Variants in PLAT observed in about 807,000 individuals in gnomAD.
PLAT encodes tissue-type plasminogen activator.
A neutral mutation model predicts 74.9 loss-of-function variants in PLAT; 48 were observed. The ratio of observed to expected loss-of-function variants is 0.64; its 90% CI spans 0.51 to 0.82. The LOEUF is 0.82. Ranked by LOEUF, PLAT falls within the 40% of genes least tolerant of loss-of-function variation. PLAT has a pLI of 0.00. For synonymous variants in PLAT, 307 were observed against 294.4 expected, an observed-to-expected ratio of 1.04 and a Z score of -0.44; for missense variants, 673 against 736.2, an observed-to-expected ratio of 0.91 and a Z score of 0.99.
chr8:42,196,846 A>G (rs1587942528), intron 1 of PLAT, among the ~76,000 whole-genome samples: 1 of 151,852 alleles, frequency 6.6e-6, no homozygotes, highest in East Asian at 1.9e-4. Flanking sequence ...AAAAAAAAAA[A>G]GGCAAATGAG....
At position 42,179,077 on chromosome 8, in the gene PLAT, A is replaced by G. The variant is rs1338213909; in HGVS notation, c.1364-14T>C. 6.9e-6 allele frequency: 11 copies of G among 1,597,480 alleles called. No homozygotes were observed. The South Asian group carries it at 7.8e-5, about 11-fold the overall frequency. ...AGAAAGGAGACACTGAAAGGGGAGA[A>G]CCATCATATGGTTTTAGGGAAAGTT... On this transcript the variant is annotated splice_polypyrimidine_tract_variant and intron_variant, in intron 12 of 13. Coordinates refer to ENST00000220809, the MANE Select transcript of PLAT (RefSeq NM_000930.5).
chr8:42,188,799 T>G lies in PLAT; in HGVS notation c.253+135A>C, dbSNP rs1805580263. On this transcript the variant is annotated intron_variant, in intron 4 of 13. Coordinates refer to ENST00000220809, the MANE Select transcript of PLAT (RefSeq NM_000930.5). ...TACCAGGTCTGGCTAATTTTTTTAT[T>G]TTTTGTAGAGACAGGGGACTTGCTA... is the stretch of plus-strand genomic sequence containing the variant. 4 of 722,168 alleles carry G rather than the reference T, an allele frequency of 5.5e-6. No individual in the cohort carries two copies. In the Admixed American group the frequency reaches 9.2e-5, roughly 17 times the overall value. 44.7% of individuals were successfully genotyped at this position (722,168 alleles called of 1,614,324 possible).
chr8:42,197,825 G>A (rs918146799), intron 1 of PLAT, among the ~76,000 whole-genome samples: 4 of 152,172 alleles, frequency 2.6e-5, no homozygotes, highest in Non-Finnish European at 4.4e-5. Context: ...AATAATTAAT[G>A]TGCTGTCCTT....
intron 12 of PLAT, 103 bp downstream of exon 12, chr8:42,179,823 C>T (rs1205001002): frequency 2.5e-6 from 3 of 1,210,298 alleles, no homozygotes; most frequent in African/African-American, 1.8e-5. Flanking sequence ...GTGCCTGACC[C>T]GGGGCTGGAA....
chr8:42,204,054 TG>T (rs1285496069), intron 1 of PLAT, among the ~76,000 whole-genome samples: 1 of 149,488 alleles, frequency 6.7e-6, no homozygotes, highest in Admixed American at 6.6e-5. Flanking sequence ...GCTAAGAGAA[TG>T]TGCTGTCTTT....
At chr8:42,195,651 A>C (rs138684967) in intron 1 of PLAT, 27 of 152,344 alleles carry the variant, frequency 1.8e-4, no homozygotes, top group African/African-American at 6.0e-4. Context: ...GACTTACTCC[A>C]GATCTTCTCT....
chr8:42,191,662 G>A (rs1039640700), intron 2 of PLAT, among the ~76,000 whole-genome samples: 2 of 152,072 alleles, frequency 1.3e-5, no homozygotes, highest in African/African-American at 2.4e-5. Context: ...TGCTGTCCAC[G>A]ACAGAAGCCA....
At chr8:42,196,753 T>A (rs1439931042) in intron 1 of PLAT, among the ~76,000 whole-genome samples, 1 of 151,812 alleles carries the variant, frequency 6.6e-6, no homozygotes, top group Admixed American at 6.6e-5. Context: ...AGAGGCTCAT[T>A]TTTATAAATA....
chr8:42,176,561 C>T (rs8178802), intron 13 of PLAT, among the ~76,000 whole-genome samples: 1 of 152,176 alleles, frequency 6.6e-6, no homozygotes, highest in Non-Finnish European at 1.5e-5. Flanking sequence ...GGAATAAGCA[C>T]GTTGGAAAAT....
intron 7 of PLAT, among the ~76,000 whole-genome samples, chr8:42,183,444 T>C (rs1805329535): frequency 6.6e-6 from 1 of 152,038 alleles, no homozygotes; most frequent in African/African-American, 2.4e-5. Flanking sequence ...ACCACTTCCA[T>C]GAGTGGGGGC....
intron 7 of PLAT, among the ~76,000 whole-genome samples, chr8:42,184,315 A>T (rs1004417211): frequency 6.6e-6 from 1 of 152,148 alleles, no homozygotes; most frequent in South Asian, 2.1e-4. Context: ...AATGATTTGT[A>T]TAAGCACCAC....
At chr8:42,189,778 T>C (rs968770654) in intron 3 of PLAT, among the ~76,000 whole-genome samples, 2 of 151,244 alleles carry the variant, frequency 1.3e-5, no homozygotes, top group Non-Finnish European at 2.9e-5. Flanking sequence ...TTTGTATTTT[T>C]GGTAGGGACG....
At chr8:42,199,234 C>G (rs1806035935) in intron 1 of PLAT, among the ~76,000 whole-genome samples, 1 of 152,206 alleles carries the variant, frequency 6.6e-6, no homozygotes, top group Admixed American at 6.5e-5. Flanking sequence ...CTTAACAGAA[C>G]TGTTTATAAC....
At position 42,191,434 on chromosome 8, in the gene PLAT, G is replaced by A; in HGVS notation, c.73-20C>T. 1 of 1,613,198 alleles carries A rather than the reference G, an allele frequency of 6.2e-7. No homozygotes were observed. ...GATTTCCTGCGAAGAAACCAGAGGTGGAGGAAGGATCAGCACATGCCAGGT... is the reference window on the plus strand; with the variant it reads ...GATTTCCTGCGAAGAAACCAGAGGTAGAGGAAGGATCAGCACATGCCAGGT... On this transcript the variant is annotated intron_variant, in intron 2 of 13. Coordinates refer to ENST00000220809, the MANE Select transcript of PLAT (RefSeq NM_000930.5).
intron 12 of PLAT, 137 bp downstream of exon 12, chr8:42,179,789 C>T (rs1805138102): frequency 2.3e-6 from 2 of 864,440 alleles, no homozygotes; most frequent in South Asian, 3.7e-5. Context: ...GCCCCCACGA[C>T]ACAGGGAGAC....
rs1281250868 is a variant in PLAT, at chr8:42,180,634, C to A, written c.941G>T (p.Gly314Val). The A allele has an allele frequency of 1.2e-6, 2 of 1,609,348 alleles. No homozygotes were observed. Among genetic ancestry groups the A allele is most frequent in the East Asian group, 4.5e-5 (2 of 44,840 alleles). The change falls in exon 10 of 14, where the codon GGG becomes GTG. Residue 314 changes from glycine (G) to valine (V), a missense_variant. Coordinates refer to ENST00000220809, the MANE Select transcript of PLAT (RefSeq NM_000930.5). ...YSQPQFRIKGGLFADIASHPW... is the reference protein window; with the variant it reads ...YSQPQFRIKGVLFADIASHPW... ...GTGGGAGGCGATGTCGGCGAAGAGC[C>A]CTCCTTTGATGCGAAACTGAGGCTG...
At chr8:42,181,171 C>G (rs1805225255) in intron 9 of PLAT, among the ~76,000 whole-genome samples, 1 of 152,224 alleles carries the variant, frequency 6.6e-6, no homozygotes, top group East Asian at 1.9e-4. Flanking sequence ...ACACTAATGC[C>G]CTTGGGTGTG....
intron 1 of PLAT, among the ~76,000 whole-genome samples, chr8:42,200,555 T>C (rs1387706353): frequency 6.6e-6 from 1 of 151,604 alleles, no homozygotes; most frequent in Non-Finnish European, 1.5e-5. Flanking sequence ...TACATGCCTG[T>C]AGTCCCAGCT....
At chr8:42,185,410 C>G in intron 6 of PLAT, 1 of 339,286 alleles carries the variant, frequency 2.9e-6, no homozygotes, top group Non-Finnish European at 5.3e-6. Context: ...ATTACAGGTG[C>G]CTGCCACCAT....
Sources: allele counts gnomAD v4.1 joint callset (sites outside exome capture counted in the v4.1 genomes callset), GRCh38; gene constraint gnomAD v4.1.1; transcripts MANE v1.5; gene names NCBI Gene and HGNC (gene_info 2026-07-23, HGNC 2026-07-21).